The following QTMAN variants were observed in gnomAD, a reference collection of about 807,000 sequenced individuals.
QTMAN encodes the protein tRNA-queuosine alpha-mannosyltransferase.
the QTMAN span, among the ~76,000 whole-genome samples, chr2:143,969,193 G>A: frequency 6.6e-6 from 1 of 152,038 alleles, no homozygotes; most frequent in East Asian, 1.9e-4. Flanking sequence ...TGCCCATGTT[G>A]TTTCCCCTTT....
At chr2:143,977,543 G>A in the QTMAN span, among the ~76,000 whole-genome samples, 1 of 152,112 alleles carries the variant, frequency 6.6e-6, no homozygotes, top group Non-Finnish European at 1.5e-5. Context: ...AAAGAGCCTC[G>A]AGAGATTCCT....
At chr2:143,994,003 C>A in the QTMAN span, among the ~76,000 whole-genome samples, 1 of 152,038 alleles carries the variant, frequency 6.6e-6, no homozygotes, top group South Asian at 2.1e-4. Flanking sequence ...ACTATGGGCT[C>A]CTAAAGGTTA....
At chr2:144,166,256 C>T in the QTMAN span, among the ~76,000 whole-genome samples, 4 of 152,168 alleles carry the variant, frequency 2.6e-5, no homozygotes, top group African/African-American at 7.2e-5. Context: ...TCCCTTCCCT[C>T]AAATCAACCC....
At chr2:144,106,828 T>TAG in the QTMAN span, among the ~76,000 whole-genome samples, 6 of 152,222 alleles carry the variant, frequency 3.9e-5, no homozygotes, top group African/African-American at 1.4e-4. Context: ...ATATCACACT[T>TAG]ATTCCAAAAT....
At chr2:144,285,706 T>G in the QTMAN span, among the ~76,000 whole-genome samples, 2 of 152,194 alleles carry the variant, frequency 1.3e-5, no homozygotes, top group Non-Finnish European at 2.9e-5. Context: ...AGCTTTACAT[T>G]AATCATAGGA....
chr2:144,165,325 G>A, the QTMAN span, among the ~76,000 whole-genome samples: 13 of 151,908 alleles, frequency 8.6e-5, no homozygotes, highest in African/African-American at 2.7e-4. Context: ...AACCAAGATC[G>A]CGCCACTGCA....
At chr2:144,132,399 T>G in the QTMAN span, among the ~76,000 whole-genome samples, 1 of 152,096 alleles carries the variant, frequency 6.6e-6, no homozygotes, top group Admixed American at 6.6e-5. Flanking sequence ...ATTGTTTATT[T>G]TTTAATGGAA....
the QTMAN span, among the ~76,000 whole-genome samples, chr2:144,175,670 CAG>C: frequency 4.6e-4 from 68 of 147,808 alleles, no homozygotes; most frequent in Middle Eastern, 3.5e-3. Context: ...TATATATTTA[CAG>C]AGAGAGAGAG....
the QTMAN span, among the ~76,000 whole-genome samples, chr2:143,954,688 G>A: frequency 1.3e-5 from 2 of 152,026 alleles, no homozygotes; most frequent in South Asian, 4.2e-4. Context: ...TGAGGACTAT[G>A]TTTTAAAATA....
chr2:144,221,678 TA>T, the QTMAN span, among the ~76,000 whole-genome samples: 1 of 152,244 alleles, frequency 6.6e-6, no homozygotes, highest in Non-Finnish European at 1.5e-5. Context: ...AATTGTTTGA[TA>T]TAACAAACTA....
the QTMAN span, among the ~76,000 whole-genome samples, chr2:144,043,279 C>CATAT: frequency 1.3e-5 from 2 of 148,932 alleles, no homozygotes; most frequent in African/African-American, 2.5e-5. Flanking sequence ...GTTGGTTAAA[C>CATAT]ATATATATAT....
At chr2:144,087,552 T>C in the QTMAN span, among the ~76,000 whole-genome samples, 3 of 151,866 alleles carry the variant, frequency 2.0e-5, no homozygotes, top group African/African-American at 7.3e-5. Flanking sequence ...CACAGATAGA[T>C]GCAAAAATCC....
the QTMAN span, among the ~76,000 whole-genome samples, chr2:143,971,674 A>G: frequency 2.0e-5 from 3 of 152,094 alleles, no homozygotes; most frequent in Non-Finnish European, 4.4e-5. Context: ...TGTGGACCAG[A>G]TGTCTTCAAA....
At chr2:144,146,383 A>C in the QTMAN span, among the ~76,000 whole-genome samples, 368 of 151,558 alleles carry the variant, frequency 2.4e-3, no homozygotes, top group African/African-American at 8.5e-3. Flanking sequence ...TAAAAAGCAC[A>C]AATATAAAAA....
the QTMAN span, among the ~76,000 whole-genome samples, chr2:144,195,205 T>C: frequency 2.0e-5 from 3 of 151,998 alleles, no homozygotes; most frequent in Admixed American, 6.6e-5. Flanking sequence ...ACACAATAGC[T>C]GAGAAGCATT....
chr2:144,022,814 G>A, the QTMAN span, among the ~76,000 whole-genome samples: 950 of 151,562 alleles, frequency 6.3e-3, 15 homozygotes, highest in African/African-American at 0.022. Flanking sequence ...TGCCCTCCTC[G>A]GCCTCCCAAA....
chr2:143,947,109 T>A, the QTMAN span: 1 of 1,613,972 alleles, frequency 6.2e-7, no homozygotes, highest in Non-Finnish European at 8.5e-7. Context: ...CATGTAGGGC[T>A]GCCCAAGAAA....
chr2:144,055,872 A>G, the QTMAN span, among the ~76,000 whole-genome samples: 1 of 152,188 alleles, frequency 6.6e-6, no homozygotes, highest in Non-Finnish European at 1.5e-5. Context: ...ATCAAGCGGC[A>G]AAGTGGAAGA....
the QTMAN span, among the ~76,000 whole-genome samples, chr2:144,113,706 CAG>C: frequency 1.3e-5 from 2 of 152,192 alleles, no homozygotes; most frequent in East Asian, 3.8e-4. Flanking sequence ...TGAAAGCAGG[CAG>C]AGACAAGATT....
Sources: allele counts gnomAD v4.1 joint callset (sites outside exome capture counted in the v4.1 genomes callset), GRCh38; gene constraint gnomAD v4.1.1; transcripts MANE v1.5; gene names NCBI Gene and HGNC (gene_info 2026-07-23, HGNC 2026-07-21).